The following ABCB11 variants were observed in gnomAD, a reference collection of about 807,000 sequenced individuals.
ABCB11 encodes the protein bile salt export pump.
In ABCB11, 95 loss-of-function variants were observed where a neutral mutation model predicts 148.0. The ratio of observed to expected loss-of-function variants is 0.64; its 90% CI spans 0.54 to 0.76. ABCB11 has a LOEUF of 0.76. Among genes scored for constraint, ABCB11 ranks in the 30% least tolerant of loss-of-function variants. The probability of loss-of-function intolerance (pLI) is 0.00; values close to 1 mark genes in which losing one functional copy is unlikely to be tolerated. For missense variants in ABCB11, 1,523 were observed against 1,617.8 expected, an observed-to-expected ratio of 0.94 and a Z score of 1.01; for synonymous variants, 591 against 555.4, an observed-to-expected ratio of 1.06 and a Z score of -0.90.
intron 12 of ABCB11, among the ~76,000 whole-genome samples, chr2:168,974,817 T>C (rs992994419): frequency 2.6e-5 from 4 of 151,836 alleles, no homozygotes; most frequent in South Asian, 2.1e-4. Context: ...TGTATTACTT[T>C]GTAATTCATA....
rs565039435 is a variant in ABCB11 at position 168,985,990 on chromosome 2, A to G, written c.1083+120T>C. On this transcript the variant is annotated intron_variant, in intron 10 of 27. Coordinates refer to ENST00000650372, the MANE Select transcript of ABCB11 (RefSeq NM_003742.4). The stretch of plus-strand genomic sequence containing the variant: ...TTACTTGTTTCCACAGACAGACTCC[A>G]TAAAATCATTGATGCTTTTTTCCTG... 24 of 872,138 alleles carry G rather than the reference A, an allele frequency of 2.8e-5. No individual in the cohort carries two copies. The African/African-American group carries it at 3.1e-4, about 11-fold the overall frequency. The allele number at this position is 872,138 out of a possible 1,614,324, so 54.0% of individuals were successfully genotyped here.
intron 5 of ABCB11, among the ~76,000 whole-genome samples, chr2:169,007,189 A>G (rs971674248): frequency 2.0e-4 from 31 of 152,190 alleles, no homozygotes; most frequent in Admixed American, 2.0e-3. Context: ...AGAGTCCACA[A>G]ATAAACCCTC....
At chr2:169,003,702 T>G (rs11901379) in intron 5 of ABCB11, among the ~76,000 whole-genome samples, 7,453 of 152,202 alleles carry the variant, frequency 0.049, 610 homozygotes, top group African/African-American at 0.17. Context: ...TAGTTTACAT[T>G]CCCACCAATG....
intron 10 of ABCB11, among the ~76,000 whole-genome samples, chr2:168,981,574 G>A (rs942560954): frequency 6.6e-6 from 1 of 152,142 alleles, no homozygotes; most frequent in African/African-American, 2.4e-5. Context: ...TGCTGACAGT[G>A]AAGAAAGTAT....
At chr2:168,983,788 T>G (rs915069228) in intron 10 of ABCB11, among the ~76,000 whole-genome samples, 3 of 152,078 alleles carry the variant, frequency 2.0e-5, no homozygotes, top group African/African-American at 7.2e-5. Context: ...GTATACAAGG[T>G]TTTGATATTT....
At position 168,973,721 on chromosome 2, in the gene ABCB11, T is replaced by C; in HGVS notation, c.1428A>G (p.Glu476=). 1 of 1,611,788 alleles carries C rather than the reference T, an allele frequency of 6.2e-7. No homozygotes were observed. The highest frequency in any genetic ancestry group is 8.5e-7 in the Non-Finnish European group (1 of 1,178,310). Residue 476 remains glutamate, a synonymous_variant, in exon 13 of 28, where the codon GAA becomes GAG. Transcript: ENST00000650372. ...GTTTCTGGAAGACACCCACCATTCC[T>C]TCACAGGGGTCATAGAATCGCTGAA... The part of the protein sequence containing the change: ...QLIQRFYDPC[E]GMVTVDGHDI...
At chr2:169,014,256 A>G in intron 4 of ABCB11, 47 bp downstream of exon 4, 1 of 1,577,316 alleles carries the variant, frequency 6.3e-7, no homozygotes, top group Non-Finnish European at 8.7e-7. Context: ...GATCTAAACA[A>G]TTTATAGCTG....
At chr2:169,003,152 T>C (rs1301399721) in intron 5 of ABCB11, among the ~76,000 whole-genome samples, 2 of 151,936 alleles carry the variant, frequency 1.3e-5, no homozygotes, top group African/African-American at 2.4e-5. Flanking sequence ...TGTATCATTC[T>C]CATGCCTTTG....
chr2:168,942,730 T>C (rs1485929869), intron 21 of ABCB11, among the ~76,000 whole-genome samples: 1 of 151,782 alleles, frequency 6.6e-6, no homozygotes, highest in Non-Finnish European at 1.5e-5. Context: ...CCCATAAATA[T>C]ATACACCTAC....
chr2:169,029,597 G>C (rs944871656), intron 1 of ABCB11, among the ~76,000 whole-genome samples: 3 of 152,176 alleles, frequency 2.0e-5, no homozygotes, highest in Non-Finnish European at 4.4e-5. Context: ...CATTGGCCAC[G>C]TAAGTCCTTT....
At chr2:168,988,885 C>T (rs1694419507) in intron 9 of ABCB11, among the ~76,000 whole-genome samples, 3 of 152,048 alleles carry the variant, frequency 2.0e-5, no homozygotes, top group Admixed American at 6.6e-5. Context: ...CATCTTTTCA[C>T]ATGCCTGTTG....
At chr2:169,004,380 T>C (rs1458633602) in intron 5 of ABCB11, among the ~76,000 whole-genome samples, 1 of 152,200 alleles carries the variant, frequency 6.6e-6, no homozygotes, top group Non-Finnish European at 1.5e-5. Context: ...AATTCTTTTT[T>C]CTTTGTCTTT....
At chr2:168,915,470 G>A (rs539504454), downstream of ABCB11, among the ~76,000 whole-genome samples, 297 of 152,122 alleles carry the variant, frequency 2.0e-3, 3 homozygotes, top group Middle Eastern at 0.017. Flanking sequence ...TTAGTTAACA[G>A]CAACAACAAC....
At chr2:168,917,071 T>C (rs1690954266), downstream of ABCB11, among the ~76,000 whole-genome samples, 1 of 152,196 alleles carries the variant, frequency 6.6e-6, no homozygotes, top group South Asian at 2.1e-4. Flanking sequence ...CATTTTAAAA[T>C]GAGTGTATAA....
chr2:168,916,729 T>C (rs1202562817), downstream of ABCB11, among the ~76,000 whole-genome samples: 1 of 152,224 alleles, frequency 6.6e-6, no homozygotes, highest in African/African-American at 2.4e-5. Context: ...GTGGACACAG[T>C]GCTCATTTTA....
At chr2:168,943,548 C>T (rs1201775944) in intron 21 of ABCB11, among the ~76,000 whole-genome samples, 2 of 151,892 alleles carry the variant, frequency 1.3e-5, no homozygotes, top group African/African-American at 4.8e-5. Context: ...ATATGTTCAC[C>T]TTAGATTATT....
At position 168,924,794 on chromosome 2, in the gene ABCB11, T is replaced by G. The variant is rs1691232631; in HGVS notation, c.3628A>C (p.Thr1210Pro). The change falls in exon 27 of 28, where the codon ACT becomes CCT. Residue 1210 changes from threonine to proline, a missense_variant. Physicochemically the swap from Thr to Pro is conservative, Grantham distance 38 (BLOSUM62 -1). Coordinates refer to ENST00000650372, the MANE Select transcript of ABCB11 (RefSeq NM_003742.4). ...TGAGACCCCTGGGACCCAACGTTAG[T>G]TTCATATTTCTGAAAAAAAGTATGA... ...FVMSLPEKYETNVGSQGSQLS... is the reference protein window; with the variant it reads ...FVMSLPEKYEPNVGSQGSQLS... 1.9e-6 allele frequency: 3 copies of G among 1,611,614 alleles called. No homozygotes were observed. The highest frequency in any genetic ancestry group is 2.5e-6 in the Non-Finnish European group (3 of 1,178,890).
intron 5 of ABCB11, among the ~76,000 whole-genome samples, chr2:168,999,652 C>T (rs1694815130): frequency 6.6e-6 from 1 of 152,080 alleles, no homozygotes. Context: ...ATTAACAGTT[C>T]ATTCCTATTT....
chr2:168,973,929 T>C (rs932442013), intron 12 of ABCB11, 89 bp from the exon 13 acceptor site: 11 of 1,471,238 alleles, frequency 7.5e-6, no homozygotes, highest in South Asian at 3.7e-5. Context: ...TTTGTGTTGA[T>C]ACTCGGTGTC....
Sources: allele counts gnomAD v4.1 joint callset (sites outside exome capture counted in the v4.1 genomes callset), GRCh38; gene constraint gnomAD v4.1.1; transcripts MANE v1.5; gene names NCBI Gene and HGNC (gene_info 2026-07-23, HGNC 2026-07-21).